The following SUSD2 variants were observed in gnomAD, a reference collection of about 807,000 sequenced individuals.
The protein encoded by SUSD2 is sushi domain containing 2.
A neutral mutation model predicts 93.8 loss-of-function variants in SUSD2; 86 were observed. The observed-to-expected ratio is 0.92, with a 90% confidence interval of 0.77 to 1.10. The LOEUF (loss-of-function observed/expected upper bound fraction) is 1.10. Ranked by LOEUF, SUSD2 falls within the 50% of genes least tolerant of loss-of-function variation. SUSD2 has a pLI of 0.00. For missense variants in SUSD2, 1,060 were observed against 1,137.0 expected, an observed-to-expected ratio of 0.93 and a Z score of 0.97; for synonymous variants, 483 against 485.0, an observed-to-expected ratio of 1.00 and a Z score of 0.05.
Position 24,188,041 on chromosome 22 carries a change from C to T in SUSD2, c.2247C>T (p.Phe749=). 1 of 1,613,158 alleles carries T rather than the reference C, an allele frequency of 6.2e-7. No homozygotes were observed. The highest frequency in any genetic ancestry group is 8.5e-7 in the Non-Finnish European group (1 of 1,180,012). ...NRYLAGSTIY[F]HCDNGYSLAG... ...ACCTGGCGGGTTCCACCATCTACTT[C>T]CACTGTGACAACGGCTACAGCCTGG... is the stretch of plus-strand genomic sequence containing the variant. The change falls in exon 13 of 15, where the codon TTC becomes TTT. Residue 749 remains phenylalanine (F), a synonymous_variant. Coordinates refer to ENST00000358321, the MANE Select transcript of SUSD2 (RefSeq NM_019601.4). The surrounding 1 kb of genome is among the most constrained non-coding windows in gnomAD (Gnocchi z 4.7).
In SUSD2 at chr22:24,187,954, CCCAGTGGTGT is replaced by C. The variant is rs2047381702; in HGVS notation, c.2165-2_2172del. Reference sequence around the variant, plus strand: ...CCTGTTGTCTGCACTCTGTCCCCATCCCAGTGGTGTCCTGTGGCTGGCTGGCCCCACCTCC... The same window carrying C: ...CCTGTTGTCTGCACTCTGTCCCCATCCCTGTGGCTGGCTGGCCCCACCTCC... On this transcript the variant is annotated splice_acceptor_variant and splice_polypyrimidine_tract_variant and coding_sequence_variant and intron_variant, in exon 13 of 15. Coordinates refer to ENST00000358321, the MANE Select transcript of SUSD2 (RefSeq NM_019601.4). LOFTEE classifies it high-confidence loss of function. 2.5e-6 allele frequency: 4 copies of C among 1,612,596 alleles called. No individual in the cohort carries two copies. Among genetic ancestry groups the C allele is most frequent in the Non-Finnish European group, 3.4e-6 (4 of 1,179,824 alleles).
chr22:24,185,872 C>G lies in SUSD2; in HGVS notation c.1282C>G (p.Arg428Gly). 6.3e-7 allele frequency: 1 copy of G among 1,593,916 alleles called. No homozygotes were observed. Among genetic ancestry groups the G allele is most frequent in the Non-Finnish European group, 8.6e-7 (1 of 1,168,840 alleles). The stretch of plus-strand genomic sequence containing the variant: ...CTGCCTCTGGGCACCCGACTGCCCC[C>G]GCTACATGCAACGGCGGCCCTCCAA... ...YCCLWAPDCP[R>G]YMQRRPSNDC... The change falls in exon 8 of 15, where the codon CGC becomes GGC. Residue 428 changes from arginine (R) to glycine (G), a missense_variant. By Grantham distance (125) the Arg-to-Gly change is moderately radical. Around this residue, in one of 2 missense-constraint regions of SUSD2, gnomAD observed 973 missense variants for 1,005.3 expected, o/e 0.97. Transcript: ENST00000358321.
rs1170910480 is a variant in SUSD2 at position 24,183,286 on chromosome 22, C to T, written c.287+19C>T. ...TCTGCAGGTTGGGAGGCCCAGGAGGCCGGGCACTGGGGCCCCACGCCCCCA... is the reference window on the plus strand; with the variant it reads ...TCTGCAGGTTGGGAGGCCCAGGAGGTCGGGCACTGGGGCCCCACGCCCCCA... On this transcript the variant is annotated intron_variant, in intron 2 of 14. Coordinates refer to ENST00000358321, the MANE Select transcript of SUSD2 (RefSeq NM_019601.4). 1.2e-6 allele frequency: 2 copies of T among 1,603,418 alleles called. No individual in the cohort carries two copies. The highest frequency in any genetic ancestry group is 2.2e-5 in the South Asian group (2 of 90,698).
In SUSD2 at chr22:24,183,501, G is replaced by T. The variant is rs1356161755; in HGVS notation, c.294G>T (p.Lys98Asn). The T allele has an allele frequency of 1.2e-6, 2 of 1,611,958 alleles. No individual in the cohort carries two copies. Among genetic ancestry groups the T allele is most frequent in the South Asian group, 2.2e-5 (2 of 91,074 alleles). The stretch of plus-strand genomic sequence containing the variant: ...ACCACCACCACGCCCACAGGTTTAA[G>T]GACAGCATCCAGACCCTCGGCCATG... ...PTDASVICRF[K>N]DSIQTLGHVD... Residue 98 changes from lysine (K) to asparagine (N), a missense_variant, in exon 3 of 15, where the codon AAG becomes AAT. Lys to Asn is a moderately conservative substitution (Grantham distance 94). Transcript: ENST00000358321.
intron 1 of SUSD2, 152 bp from the exon 2 acceptor site, chr22:24,182,905 G>C: frequency 1.6e-6 from 1 of 628,038 alleles, no homozygotes; most frequent in East Asian, 2.7e-5. Flanking sequence ...GCTTTCTACT[G>C]TGTCCACCTG....
rs1329636974 is a variant in SUSD2, at chr22:24,187,249, G to A, written c.1690G>A (p.Ala564Thr). The change falls in exon 11 of 15, where the codon GCA becomes ACA. Residue 564 changes from alanine (A) to threonine (T), a missense_variant. Transcript: ENST00000358321. ...AAGDRVSIML[A>T]SGAGLEVSVQ... is the part of the protein sequence containing the mutation. Reference sequence around the variant, plus strand: ...CGGGGACAGGGTCTCCATCATGCTGGCATCAGGGGCCGGCCTGGAGGTCAG... The same window carrying A: ...CGGGGACAGGGTCTCCATCATGCTGACATCAGGGGCCGGCCTGGAGGTCAG... 2 of 1,613,942 alleles carry A rather than the reference G, an allele frequency of 1.2e-6. No homozygotes were observed. Among genetic ancestry groups the A allele is most frequent in the African/African-American group, 1.3e-5 (1 of 75,028 alleles).
rs746931428 is a variant in SUSD2, at chr22:24,183,058, T to C, written c.78T>C (p.Asp26=). 6.2e-7 allele frequency: 1 copy of C among 1,613,252 alleles called. No individual in the cohort carries two copies. The highest frequency in any genetic ancestry group is 8.5e-7 in the Non-Finnish European group (1 of 1,179,760). Residue 26 remains aspartate (D), a splice_region_variant and synonymous_variant, in exon 2 of 15, where the codon GAT becomes GAC. Coordinates refer to ENST00000358321, the MANE Select transcript of SUSD2 (RefSeq NM_019601.4). ...GGCCCTCAGCATCCTCTCCTCCAGA[T>C]GCCCAAGAGAGCTGCTCCATGCGCT... is the stretch of plus-strand genomic sequence containing the variant. The part of the protein sequence containing the change: ...ALGPGPGPTA[D]AQESCSMRCG...
Position 24,184,956 on chromosome 22 carries a change from T to A in SUSD2, c.782+16T>A, listed in dbSNP as rs3752498. 79 of 1,612,766 alleles carry A rather than the reference T, an allele frequency of 4.9e-5. No homozygotes were observed. The highest frequency in any genetic ancestry group is 6.6e-5 in the Non-Finnish European group (78 of 1,179,488). ...CAGGGCAGAAGTAAGAAGGCATGGA[T>A]GTGCAGGTGATGGCTGGAGGGCCTC... On this transcript the variant is annotated intron_variant, in intron 5 of 14. Coordinates refer to ENST00000358321, the MANE Select transcript of SUSD2 (RefSeq NM_019601.4).
Position 24,186,403 on chromosome 22 carries a change from A to C in SUSD2, c.1630A>C (p.Met544Leu). The C allele has an allele frequency of 1.9e-6, 3 of 1,613,340 alleles. No homozygotes were observed. The South Asian group carries it at 3.3e-5, about 18-fold the overall frequency. ...GCTGAGCTTCACCGAGCAGAGCTGG[A>C]TGGACCTGAAAGGTGAGCAGTCCAG... ...EVLSFTEQSWMDLKGMFLSVA... is the reference protein window; with the variant it reads ...EVLSFTEQSWLDLKGMFLSVA... The change falls in exon 10 of 15, where the codon ATG becomes CTG. Residue 544 changes from methionine to leucine, a missense_variant. By Grantham distance (15) the Met-to-Leu change is conservative. Coordinates refer to ENST00000358321, the MANE Select transcript of SUSD2 (RefSeq NM_019601.4).
At chr22:24,182,681 C>CGT (rs1380908861) in intron 1 of SUSD2, 2 of 213,468 alleles carry the variant, frequency 9.4e-6, no homozygotes, top group African/African-American at 4.6e-5. Flanking sequence ...CAAGAGAGGT[C>CGT]GAGGGCTCCA....
rs1438945674 is a variant in SUSD2 at position 24,188,407 on chromosome 22, T to C, written c.2445-5T>C. 5 of 1,611,252 alleles carry C rather than the reference T, an allele frequency of 3.1e-6. No individual in the cohort carries two copies. Among genetic ancestry groups the C allele is most frequent in the Admixed American group, 3.3e-5 (2 of 59,974 alleles). On this transcript the variant is annotated splice_polypyrimidine_tract_variant and splice_region_variant and intron_variant, in intron 14 of 14. Transcript: ENST00000358321. The surrounding 1 kb of genome is among the most constrained non-coding windows in gnomAD (Gnocchi z 4.7). ...AGGCTACTTCTAACTGCGTTTCTGT[T>C]GCAGGCACGTCTGGGGTGCACAGCC...
intron 10 of SUSD2, chr22:24,186,917 G>C (rs2047370268): frequency 1.9e-6 from 1 of 530,710 alleles, no homozygotes; most frequent in East Asian, 3.2e-5. Flanking sequence ...ACGTGCCCAG[G>C]CAGGTGTGGC....
At position 24,188,054 on chromosome 22, in the gene SUSD2, G is replaced by T. The variant is rs376889975; in HGVS notation, c.2260G>T (p.Gly754Cys). Residue 754 changes from glycine (G) to cysteine (C), a missense_variant, in exon 13 of 15, where the codon GGC becomes TGC. By Grantham distance (159) the Gly-to-Cys change is radical. Coordinates refer to ENST00000358321, the MANE Select transcript of SUSD2 (RefSeq NM_019601.4). The surrounding 1 kb of genome is among the most constrained non-coding windows in gnomAD (Gnocchi z 4.7). ...GSTIYFHCDN[G>C]YSLAGAETST... The stretch of plus-strand genomic sequence containing the variant: ...CACCATCTACTTCCACTGTGACAAC[G>T]GCTACAGCCTGGCCGGGGCAGAGAC... 2 of 1,612,882 alleles carry T rather than the reference G, an allele frequency of 1.2e-6. No individual in the cohort carries two copies. Among genetic ancestry groups the T allele is most frequent in the African/African-American group, 1.3e-5 (1 of 75,024 alleles).
At chr22:24,186,223 C>T in intron 9 of SUSD2, 34 bp from the exon 10 acceptor site, 1 of 1,610,746 alleles carries the variant, frequency 6.2e-7, no homozygotes, top group Non-Finnish European at 8.5e-7. Flanking sequence ...GAGGCTGGAG[C>T]CAAGTGGCTC....
At chr22:24,184,664 C>T in intron 4 of SUSD2, 102 bp from the exon 5 acceptor site, 5 of 995,362 alleles carry the variant, frequency 5.0e-6, no homozygotes, top group Admixed American at 2.6e-5. Flanking sequence ...AAGGGGACCG[C>T]CTGGCGGTCC....
At chr22:24,184,088 G>C (rs1366074435) in intron 3 of SUSD2, 48 bp from the exon 4 acceptor site, 4 of 1,599,886 alleles carry the variant, frequency 2.5e-6, no homozygotes, top group South Asian at 1.1e-5. Flanking sequence ...CCTCCTCCCT[G>C]CTTCCCTGGG....
chr22:24,186,286 G>A lies in SUSD2; in HGVS notation c.1513G>A (p.Ala505Thr), dbSNP rs751731020. Residue 505 changes from alanine (A) to threonine (T), a missense_variant, in exon 10 of 15, where the codon GCA (alanine) becomes ACA (threonine). Ala to Thr is a moderately conservative substitution (Grantham distance 58). Around this residue, in one of 2 missense-constraint regions of SUSD2, gnomAD observed 973 missense variants for 1,005.3 expected, o/e 0.97. Transcript: ENST00000358321. ...GTETRGTGLTAVAVQEGNSDV... is the reference protein window; with the variant it reads ...GTETRGTGLTTVAVQEGNSDV... ...GGAGACCCGTGGCACTGGGCTGACC[G>A]CAGTGGCCGTCCAGGAGGGCAACTC... 2.8e-5 allele frequency: 45 copies of A among 1,613,602 alleles called. No homozygotes were observed. The highest frequency in any genetic ancestry group is 1.6e-4 in the Middle Eastern group (1 of 6,082).
At position 24,187,777 on chromosome 22, in the gene SUSD2, AGCACGG is replaced by A; in HGVS notation, c.2103_2108del (p.Gly702_Thr703del). 6.2e-7 allele frequency: 1 copy of A among 1,613,666 alleles called. No homozygotes were observed. The highest frequency in any genetic ancestry group is 1.3e-5 in the African/African-American group (1 of 75,014). ...TGATGTGGCAGCCACTGGGAGCCTGAGCACGGGCACTGCCACTCGGGTGGCCCACCA... is the reference window on the plus strand; with the variant it reads ...TGATGTGGCAGCCACTGGGAGCCTGAGCACTGCCACTCGGGTGGCCCACCA... On this transcript the variant is annotated inframe_deletion, in exon 12 of 15. Coordinates refer to ENST00000358321, the MANE Select transcript of SUSD2 (RefSeq NM_019601.4).
chr22:24,183,682 G>T, intron 3 of SUSD2, 36 bp downstream of exon 3: 1 of 1,596,982 alleles, frequency 6.3e-7, no homozygotes, highest in Non-Finnish European at 8.5e-7. Context: ...CTGCCCCCAC[G>T]GGGACTTTCC....
Sources: allele counts gnomAD v4.1 joint callset, GRCh38; gene constraint gnomAD v4.1.1; regional missense constraint gnomAD v4.1.1; non-coding constraint Gnocchi (gnomAD v3.1); transcripts MANE v1.5; gene names NCBI Gene and HGNC (gene_info 2026-07-23, HGNC 2026-07-21).